The following FER variants were observed in gnomAD, a reference collection of about 807,000 sequenced individuals.
FER encodes the protein tyrosine-protein kinase Fer.
Under a neutral mutation model 111.0 loss-of-function variants are expected in FER, and 63 were observed. The observed-to-expected ratio is 0.57, with a 90% confidence interval of 0.46 to 0.70. The LOEUF is 0.70. Ranked by LOEUF, FER falls within the 30% of genes least tolerant of loss-of-function variation. The pLI is 0.00. For synonymous variants in FER, 327 were observed against 313.9 expected, an observed-to-expected ratio of 1.04 and a Z score of -0.44; for missense variants, 914 against 954.0, an observed-to-expected ratio of 0.96 and a Z score of 0.55.
In FER at chr5:108,998,596, G is replaced by A. The variant is rs148022393; in HGVS notation, c.1657-38826G>A. Among the ~76,000 whole-genome samples, 73 of 152,168 alleles carry A rather than the reference G, an allele frequency of 4.8e-4. 1 individual carries two copies. The highest frequency in any genetic ancestry group is 1.5e-3 in the African/African-American group (62 of 41,530). ...GCTGTTCCTATTTGGCCATCTTGGC[G>A]CATTAATGGCTCTTATTAATTTGAG... On this transcript the variant is annotated intron_variant, in intron 13 of 19. Transcript: ENST00000281092.
At chr5:108,807,419 C>G (rs1179030770) in intron 3 of FER, among the ~76,000 whole-genome samples, 2 of 152,128 alleles carry the variant, frequency 1.3e-5, no homozygotes, top group African/African-American at 2.4e-5. Flanking sequence ...TAGAGGTATT[C>G]GTAATAGTCT....
At chr5:109,162,136 A>C (rs1240193388) in intron 17 of FER, among the ~76,000 whole-genome samples, 1 of 152,028 alleles carries the variant, frequency 6.6e-6, no homozygotes, top group African/African-American at 2.4e-5. Flanking sequence ...GTGGTCTAAA[A>C]TATGTATGTA....
At chr5:108,980,584 A>G (rs568110056) in intron 13 of FER, among the ~76,000 whole-genome samples, 1 of 152,268 alleles carries the variant, frequency 6.6e-6, no homozygotes, top group South Asian at 2.1e-4. Context: ...CTCAATTCCC[A>G]TGTCACAGAC....
intron 3 of FER, among the ~76,000 whole-genome samples, chr5:108,816,889 C>T (rs920249311): frequency 6.6e-6 from 1 of 151,626 alleles, no homozygotes; most frequent in Non-Finnish European, 1.5e-5. Context: ...ATCACTTGAG[C>T]GCAGGAGTTC....
chr5:109,181,012 G>C, intron 18 of FER, 111 bp downstream of exon 18: 1 of 835,916 alleles, frequency 1.2e-6, no homozygotes, highest in Non-Finnish European at 1.8e-6. Context: ...AGAATGATTT[G>C]AGGATCAACA....
chr5:108,854,946 CAAAAA>C (rs34850507), intron 5 of FER, among the ~76,000 whole-genome samples: 9 of 36,664 alleles, frequency 2.5e-4, no homozygotes, highest in African/African-American at 8.4e-4. Flanking sequence ...GACCCTGTCT[CAAAAA>C]AAAAAAAAAA....
At chr5:109,097,400 TG>T (rs139536608) in intron 16 of FER, among the ~76,000 whole-genome samples, 15,846 of 151,644 alleles carry the variant, frequency 0.1, 835 homozygotes, top group Non-Finnish European at 0.12. Flanking sequence ...ACAAAAGGGG[TG>T]TGAGTTATCT....
At chr5:109,007,457 C>T (rs2149794783) in intron 13 of FER, among the ~76,000 whole-genome samples, 1 of 151,534 alleles carries the variant, frequency 6.6e-6, no homozygotes, top group Non-Finnish European at 1.5e-5. Flanking sequence ...TTATTCTATG[C>T]CCCTTTCTAG....
chr5:109,160,059 A>C (rs1177566144), intron 17 of FER, among the ~76,000 whole-genome samples: 1 of 152,216 alleles, frequency 6.6e-6, no homozygotes, highest in Non-Finnish European at 1.5e-5. Context: ...TTTTGTCTCA[A>C]ATCAAGTAAA....
chr5:109,104,265 T>A (rs1041032109), intron 17 of FER, among the ~76,000 whole-genome samples: 7 of 152,208 alleles, frequency 4.6e-5, no homozygotes, highest in African/African-American at 1.7e-4. Context: ...ATTGAAGACA[T>A]TGATATTTCC....
At chr5:109,046,947 T>C (rs1331809966) in intron 15 of FER, among the ~76,000 whole-genome samples, 157 bp from the exon 16 acceptor site, 2 of 152,144 alleles carry the variant, frequency 1.3e-5, no homozygotes, top group Non-Finnish European at 2.9e-5. Context: ...CTTTACTCGT[T>C]TGTATACATC....
chr5:108,973,427 T>C (rs1406443835), intron 13 of FER, among the ~76,000 whole-genome samples: 4 of 152,168 alleles, frequency 2.6e-5, no homozygotes, highest in South Asian at 2.1e-4. Flanking sequence ...TGCAAGTGAT[T>C]TTTAAAAAAC....
intron 11 of FER, among the ~76,000 whole-genome samples, chr5:108,946,774 A>G (rs931966131): frequency 6.8e-6 from 1 of 147,608 alleles, no homozygotes; most frequent in Non-Finnish European, 1.5e-5. Context: ...CACATGAACA[A>G]ACACACAGAA....
intron 13 of FER, among the ~76,000 whole-genome samples, chr5:109,030,996 G>A (rs918074779): frequency 6.6e-6 from 1 of 151,922 alleles, no homozygotes; most frequent in Admixed American, 6.6e-5. Flanking sequence ...GTTACTTGTG[G>A]GCCATCCCAG....
chr5:108,874,268 C>T (rs1179317273), intron 8 of FER, among the ~76,000 whole-genome samples: 1 of 152,006 alleles, frequency 6.6e-6, no homozygotes, highest in Non-Finnish European at 1.5e-5. Context: ...TGTTTTATAG[C>T]TTTCTAGGGT....
chr5:109,086,923 T>C (rs1777629354), intron 16 of FER, among the ~76,000 whole-genome samples: 1 of 150,068 alleles, frequency 6.7e-6, no homozygotes, highest in Admixed American at 6.7e-5. Context: ...GGTCATCTTC[T>C]CTGTGTGTCT....
chr5:108,914,986 G>A (rs1261825306), intron 10 of FER, among the ~76,000 whole-genome samples: 1 of 152,186 alleles, frequency 6.6e-6, no homozygotes, highest in Non-Finnish European at 1.5e-5. Flanking sequence ...GAGGATATGG[G>A]TTAGGCATGT....
At chr5:109,087,842 A>T (rs184740248) in intron 16 of FER, among the ~76,000 whole-genome samples, 1 of 152,000 alleles carries the variant, frequency 6.6e-6, no homozygotes, top group East Asian at 1.9e-4. Flanking sequence ...ACATTCTTAA[A>T]GATGTTCATG....
intron 3 of FER, among the ~76,000 whole-genome samples, chr5:108,814,566 A>T (rs771584809): frequency 3.9e-5 from 6 of 152,200 alleles, no homozygotes; most frequent in Non-Finnish European, 8.8e-5. Flanking sequence ...AATTGATGTT[A>T]TTATCTTTAA....
Sources: allele counts gnomAD v4.1 joint callset (sites outside exome capture counted in the v4.1 genomes callset), GRCh38; gene constraint gnomAD v4.1.1; transcripts MANE v1.5; gene names NCBI Gene and HGNC (gene_info 2026-07-23, HGNC 2026-07-21).